The following TMEM163 variants were observed in gnomAD, a reference collection of about 807,000 sequenced individuals.
TMEM163 encodes transmembrane protein 163.
In TMEM163, 17 loss-of-function variants were observed where a neutral mutation model predicts 29.3. The ratio of observed to expected loss-of-function variants is 0.58; its 90% confidence interval spans 0.40 to 0.87. TMEM163 has a LOEUF of 0.87. TMEM163 is among the 40% of genes least tolerant of loss of function. The pLI is 0.00. For missense variants in TMEM163, 303 were observed against 381.5 expected, an observed-to-expected ratio of 0.79 and a Z score of 1.71; for synonymous variants, 157 against 160.6, an observed-to-expected ratio of 0.98 and a Z score of 0.17.
chr2:134,497,180 C>T (rs1177630073), intron 5 of TMEM163, among the ~76,000 whole-genome samples: 4 of 152,200 alleles, frequency 2.6e-5, no homozygotes, highest in Admixed American at 2.0e-4. Context: ...CCCAACTGTG[C>T]TCCTTGGTAG....
chr2:134,705,209 C>CA (rs59533911), intron 2 of TMEM163, among the ~76,000 whole-genome samples: 5,145 of 131,894 alleles, frequency 0.039, 109 homozygotes, highest in African/African-American at 0.067. Context: ...GACTCCATCT[C>CA]AAAAAAAAAA....
At chr2:134,534,349 C>G (rs1270079117) in intron 4 of TMEM163, among the ~76,000 whole-genome samples, 1 of 152,144 alleles carries the variant, frequency 6.6e-6, no homozygotes, top group Non-Finnish European at 1.5e-5. Context: ...AACCACAAAC[C>G]AAACCACCAC....
chr2:134,500,010 T>C (rs1280606204), intron 5 of TMEM163, among the ~76,000 whole-genome samples: 1 of 152,230 alleles, frequency 6.6e-6, no homozygotes, highest in Non-Finnish European at 1.5e-5. Context: ...CCAGTTTATC[T>C]CACATTAAAC....
chr2:134,497,484 T>C (rs1398811831), intron 5 of TMEM163, among the ~76,000 whole-genome samples: 1 of 152,160 alleles, frequency 6.6e-6, no homozygotes, highest in Non-Finnish European at 1.5e-5. Context: ...GAGGTCATGG[T>C]CCACGCAAGG....
At chr2:134,590,504 A>G (rs750888667) in intron 2 of TMEM163, among the ~76,000 whole-genome samples, 1 of 152,164 alleles carries the variant, frequency 6.6e-6, no homozygotes, top group Non-Finnish European at 1.5e-5. Flanking sequence ...TGTTACCAGA[A>G]AGGGGGTCCA....
intron 2 of TMEM163, among the ~76,000 whole-genome samples, chr2:134,685,466 G>A (rs1364146911): frequency 6.6e-6 from 1 of 152,174 alleles, no homozygotes; most frequent in African/African-American, 2.4e-5. Flanking sequence ...GCTAAGTGAA[G>A]CAATTCAGAA....
At chr2:134,577,821 A>AC (rs993772400) in intron 2 of TMEM163, among the ~76,000 whole-genome samples, 54 of 152,108 alleles carry the variant, frequency 3.6e-4, no homozygotes, top group African/African-American at 6.3e-4. Context: ...GGGGGGGAAA[A>AC]ATACAACAAT....
intron 2 of TMEM163, among the ~76,000 whole-genome samples, chr2:134,586,784 G>A (rs1399201904): frequency 6.6e-6 from 1 of 152,184 alleles, no homozygotes; most frequent in Non-Finnish European, 1.5e-5. Context: ...AGTGTGGGCT[G>A]TTATTGACAT....
chr2:134,623,281 A>T (rs1682780195), intron 2 of TMEM163, among the ~76,000 whole-genome samples: 1 of 152,200 alleles, frequency 6.6e-6, no homozygotes, highest in Non-Finnish European at 1.5e-5. Context: ...CAGACCTCAG[A>T]CAAATTCTGA....
chr2:134,624,859 G>A lies in TMEM163; in HGVS notation c.323-72768C>T, dbSNP rs377133661. On this transcript the variant is annotated intron_variant, in intron 2 of 7. Transcript: ENST00000281924. Reference sequence around the variant, plus strand: ...AAGGAGGCGGAGGTTGCTGGGGGCCGAGATCTCACCATTGCACTCCAGCCT... The same window carrying A: ...AAGGAGGCGGAGGTTGCTGGGGGCCAAGATCTCACCATTGCACTCCAGCCT... Among the ~76,000 whole-genome samples the A allele has an allele frequency of 1.7e-4, 25 of 150,842 alleles. 1 individual carries two copies. The East Asian group carries it at 3.4e-3, about 20-fold the overall frequency.
At chr2:134,502,562 A>G (rs1208138700) in intron 5 of TMEM163, among the ~76,000 whole-genome samples, 1 of 152,210 alleles carries the variant, frequency 6.6e-6, no homozygotes, top group Non-Finnish European at 1.5e-5. Flanking sequence ...TGAACACAGA[A>G]CAACAGATGC....
intron 6 of TMEM163, among the ~76,000 whole-genome samples, chr2:134,465,189 T>TAAAAAAAAAAAAAAAAAA (rs1181405890): frequency 3.4e-5 from 4 of 117,704 alleles, no homozygotes; most frequent in African/African-American, 1.5e-4. Flanking sequence ...TCCGCATCTT[T>TAAAAAAAAAAAAAAAAAA]AAAAAAAAAA....
intron 2 of TMEM163, among the ~76,000 whole-genome samples, chr2:134,666,091 T>C (rs1011703249): frequency 6.6e-5 from 10 of 152,158 alleles, no homozygotes; most frequent in African/African-American, 2.2e-4. Flanking sequence ...AAAAAATACA[T>C]AGGAAGTTTA....
chr2:134,605,016 C>A (rs991009571), intron 2 of TMEM163, among the ~76,000 whole-genome samples: 1 of 151,924 alleles, frequency 6.6e-6, no homozygotes, highest in African/African-American at 2.4e-5. Context: ...CCTGTCTCTA[C>A]TAAATATACA....
intron 2 of TMEM163, among the ~76,000 whole-genome samples, chr2:134,644,555 T>C (rs1683293274): frequency 6.6e-6 from 1 of 152,104 alleles, no homozygotes; most frequent in Admixed American, 6.5e-5. Flanking sequence ...ATGCAAAAAA[T>C]AAGTTGCAAT....
At chr2:134,674,490 C>G (rs1465489250) in intron 2 of TMEM163, among the ~76,000 whole-genome samples, 2 of 80,622 alleles carry the variant, frequency 2.5e-5, no homozygotes, top group African/African-American at 1.4e-4. Flanking sequence ...ACTACAGGCG[C>G]GCGCGCGCGC....
intron 4 of TMEM163, among the ~76,000 whole-genome samples, chr2:134,521,734 G>GCA (rs1487994977): frequency 6.6e-6 from 1 of 152,176 alleles, no homozygotes; most frequent in African/African-American, 2.4e-5. Flanking sequence ...CAGCCTCTGT[G>GCA]CACACAAGGT....
At chr2:134,556,020 T>C (rs1250964151) in intron 2 of TMEM163, among the ~76,000 whole-genome samples, 1 of 152,210 alleles carries the variant, frequency 6.6e-6, no homozygotes, top group Non-Finnish European at 1.5e-5. Flanking sequence ...GCTGAAAATA[T>C]TGGAACGGGG....
chr2:134,606,960 C>A (rs563876814), intron 2 of TMEM163, among the ~76,000 whole-genome samples: 2 of 145,718 alleles, frequency 1.4e-5, no homozygotes, highest in African/African-American at 2.7e-5. Context: ...ACCCCGAGAA[C>A]TGTACTGGTG....
Sources: allele counts gnomAD v4.1 joint callset (sites outside exome capture counted in the v4.1 genomes callset), GRCh38; gene constraint gnomAD v4.1.1; transcripts MANE v1.5; gene names NCBI Gene and HGNC (gene_info 2026-07-23, HGNC 2026-07-21).